SLC25A33: variants seen among roughly 807,000 people sequenced by gnomAD.
The protein encoded by SLC25A33 is solute carrier family 25 member 33, also known as bone marrow stromal cell mitochondrial carrier protein.
Under a neutral mutation model 35.5 loss-of-function variants are expected in SLC25A33, and 15 were observed. The ratio of observed to expected loss-of-function variants is 0.42; its 90% CI spans 0.28 to 0.65. The LOEUF is 0.65. Among genes scored for constraint, SLC25A33 ranks in the 30% least tolerant of loss-of-function variants. The pLI, the probability that SLC25A33 is intolerant of heterozygous loss-of-function variation, is 0.20. For missense variants in SLC25A33, 257 were observed against 398.5 expected (o/e 0.64, Z 3.02); for synonymous variants, 136 against 148.7 (o/e 0.91, Z 0.62).
chr1:9,545,890 G>T (rs1045282399), intron 1 of SLC25A33, among the ~76,000 whole-genome samples: 9 of 151,610 alleles, frequency 5.9e-5, no homozygotes, highest in African/African-American at 2.2e-4. Context: ...TTGAACCCGG[G>T]AGGCGGAGCT....
chr1:9,573,315 T>C (rs185382843), intron 4 of SLC25A33, 31 bp from the exon 5 acceptor site: 1 of 1,484,750 alleles, frequency 6.7e-7, no homozygotes, highest in South Asian at 1.2e-5. Context: ...CTATGTACAG[T>C]GTTGACCTTT....
chr1:9,580,868 T>TAAG (rs1163906132), intron 6 of SLC25A33, among the ~76,000 whole-genome samples: 1 of 99,448 alleles, frequency 1.0e-5, no homozygotes, highest in Non-Finnish European at 2.2e-5. Context: ...AAAAAAAAAA[T>TAAG]AATAATAATA....
At chr1:9,547,147 T>C (rs1179078784) in intron 1 of SLC25A33, among the ~76,000 whole-genome samples, 2 of 152,178 alleles carry the variant, frequency 1.3e-5, no homozygotes, top group Non-Finnish European at 2.9e-5. Flanking sequence ...CTGTCCTCTG[T>C]GTGACTTAAG....
chr1:9,549,706 C>T (rs1021810554), intron 1 of SLC25A33, among the ~76,000 whole-genome samples: 6 of 150,900 alleles, frequency 4.0e-5, no homozygotes, highest in South Asian at 4.2e-4. Context: ...CTGTAACCTC[C>T]GCCTCCCAGA....
intron 2 of SLC25A33, among the ~76,000 whole-genome samples, chr1:9,555,803 G>A (rs1402783046): frequency 6.6e-6 from 1 of 152,172 alleles, no homozygotes; most frequent in African/African-American, 2.4e-5. Context: ...TTCTGCCTCA[G>A]CTTCCCGAGT....
intron 2 of SLC25A33, among the ~76,000 whole-genome samples, chr1:9,554,614 C>T (rs2100381901): frequency 6.6e-6 from 1 of 152,300 alleles, no homozygotes; most frequent in Non-Finnish European, 1.5e-5. Context: ...CTGCCTCAGC[C>T]TCCCAAAGTG....
chr1:9,564,303 A>C (rs1385885753), intron 2 of SLC25A33, among the ~76,000 whole-genome samples: 1 of 152,140 alleles, frequency 6.6e-6, no homozygotes, highest in African/African-American at 2.4e-5. Context: ...AGAAATCGGA[A>C]CCCCTTTTAC....
Position 9,573,375 on chromosome 1 carries a change from A to G in SLC25A33, c.445A>G (p.Ile149Val), listed in dbSNP as rs1263494712. ...AFITNSLMNP[I>V]WMVKTRMQLE... ...TATCACAAATTCCTTAATGAATCCT[A>G]TATGGATGGTTAAAACCCGAATGCA... Residue 149 changes from isoleucine to valine, a missense_variant, in exon 5 of 7, where the codon ATA becomes GTA. Coordinates refer to ENST00000302692, the MANE Select transcript of SLC25A33 (RefSeq NM_032315.3). 1.2e-6 allele frequency: 2 copies of G among 1,610,952 alleles called. No individual in the cohort carries two copies. The highest frequency in any genetic ancestry group is 1.7e-5 in the Admixed American group (1 of 59,634).
chr1:9,549,263 C>T (rs1476204794), intron 1 of SLC25A33, among the ~76,000 whole-genome samples: 1 of 151,452 alleles, frequency 6.6e-6, no homozygotes, highest in Non-Finnish European at 1.5e-5. Flanking sequence ...CCTAGTTCTG[C>T]CTGCAAGCTC....
chr1:9,572,817 C>T (rs1643609769), intron 4 of SLC25A33, among the ~76,000 whole-genome samples: 1 of 150,538 alleles, frequency 6.6e-6, no homozygotes, highest in Non-Finnish European at 1.5e-5. Flanking sequence ...CTTGTAATCC[C>T]AGCATTGTGG....
chr1:9,572,543 G>A lies in SLC25A33; in HGVS notation c.416-803G>A, dbSNP rs982584331. Among the ~76,000 whole-genome samples the A allele has an allele frequency of 4.6e-5, 7 of 152,088 alleles. No homozygotes were observed. The South Asian group carries it at 6.2e-4, about 14-fold the overall frequency. Reference sequence around the variant, plus strand: ...TGAGTCAGGTGAATGGCGTCAACCCGGGAGGCGGAGCTTGCAGTGAGCCGA... The same window carrying A: ...TGAGTCAGGTGAATGGCGTCAACCCAGGAGGCGGAGCTTGCAGTGAGCCGA... On this transcript the variant is annotated intron_variant, in intron 4 of 6. Transcript: ENST00000302692.
chr1:9,543,165 C>A (rs1015468517), intron 1 of SLC25A33, among the ~76,000 whole-genome samples: 1 of 148,822 alleles, frequency 6.7e-6, no homozygotes, highest in Non-Finnish European at 1.5e-5. Context: ...ATTTTTGATA[C>A]GGAGTTTCAG....
intron 5 of SLC25A33, among the ~76,000 whole-genome samples, chr1:9,579,576 C>CA (rs1643709451): frequency 6.6e-6 from 1 of 152,202 alleles, no homozygotes; most frequent in South Asian, 2.1e-4. Context: ...CCCCGGGGGC[C>CA]ACCCTCCAGG....
At chr1:9,575,562 C>T (rs577136722) in intron 5 of SLC25A33, among the ~76,000 whole-genome samples, 28 of 152,116 alleles carry the variant, frequency 1.8e-4, no homozygotes, top group African/African-American at 6.7e-4. Flanking sequence ...TTGCAGTGAG[C>T]CGAGATCACA....
chr1:9,568,707 C>G (rs924298775), intron 3 of SLC25A33, among the ~76,000 whole-genome samples: 4 of 151,800 alleles, frequency 2.6e-5, no homozygotes, highest in African/African-American at 9.7e-5. Context: ...AAAAACTAGC[C>G]GGGCGTGATG....
intron 2 of SLC25A33, among the ~76,000 whole-genome samples, chr1:9,560,588 A>G (rs1034034018): frequency 6.6e-6 from 1 of 152,188 alleles, no homozygotes; most frequent in Non-Finnish European, 1.5e-5. Context: ...CTGCTTATTA[A>G]TAGTCTTACT....
At chr1:9,550,308 T>C (rs1416310127) in intron 1 of SLC25A33, among the ~76,000 whole-genome samples, 1 of 151,730 alleles carries the variant, frequency 6.6e-6, no homozygotes, top group Non-Finnish European at 1.5e-5. Context: ...GGCATTTGCT[T>C]TTTTGGACGA....
At chr1:9,577,137 A>C (rs1484788988) in intron 5 of SLC25A33, among the ~76,000 whole-genome samples, 1 of 152,208 alleles carries the variant, frequency 6.6e-6, no homozygotes, top group African/African-American at 2.4e-5. Flanking sequence ...GGCAGAGAGA[A>C]GGTGAGTGTA....
intron 1 of SLC25A33, among the ~76,000 whole-genome samples, chr1:9,548,547 A>G (rs1291527228): frequency 6.6e-6 from 1 of 152,218 alleles, no homozygotes; most frequent in Non-Finnish European, 1.5e-5. Flanking sequence ...ACGCTGCTGC[A>G]CTCCAGCCTG....
Sources: allele counts gnomAD v4.1 joint callset (sites outside exome capture counted in the v4.1 genomes callset), GRCh38; gene constraint gnomAD v4.1.1; transcripts MANE v1.5; gene names NCBI Gene and HGNC (gene_info 2026-07-23, HGNC 2026-07-21).